Variants in ZNF385D observed in about 807,000 individuals in gnomAD.
ZNF385D encodes the protein zinc finger protein 659.
Under a neutral mutation model 35.8 loss-of-function variants are expected in ZNF385D, and 15 were observed. The ratio of observed to expected loss-of-function variants is 0.42; its 90% CI spans 0.28 to 0.64. ZNF385D has a LOEUF of 0.64. ZNF385D is among the 30% of genes least tolerant of loss of function. The probability of loss-of-function intolerance (pLI) is 0.23; values close to 1 mark genes in which losing one functional copy is unlikely to be tolerated. For missense variants in ZNF385D, 474 were observed against 494.6 expected (o/e 0.96, Z 0.39); for synonymous variants, 212 against 186.8 (o/e 1.13, Z -1.10).
intron 7 of ZNF385D, among the ~76,000 whole-genome samples, chr3:21,422,962 A>G (rs752644467): frequency 6.6e-6 from 1 of 152,268 alleles, no homozygotes; most frequent in East Asian, 1.9e-4. Flanking sequence ...CTCCTATTCA[A>G]CATAGTATTG....
At chr3:21,722,115 A>AAT (rs1412132681) in intron 1 of ZNF385D, among the ~76,000 whole-genome samples, 2 of 148,592 alleles carry the variant, frequency 1.3e-5, no homozygotes, top group African/African-American at 2.6e-5. Context: ...AAAAAAAAAA[A>AAT]AAGAGGTATT....
rs1443829281 is a variant in ZNF385D at position 21,414,110 on chromosome 3, T to A, written c.*7104A>T. On this transcript the variant is annotated 3_prime_UTR_variant, in exon 8 of 8. Coordinates refer to ENST00000281523, the MANE Select transcript of ZNF385D (RefSeq NM_024697.3). ...ATTAAATATTATTAGAAGAAATTAT[T>A]GACTAAGTTTCATGTGCTAGGATAT... 6.6e-6 allele frequency: 1 copy of A among 152,112 alleles called. No homozygotes were observed. Among genetic ancestry groups the A allele is most frequent in the Non-Finnish European group, 1.5e-5 (1 of 67,984 alleles). 9.4% of individuals were successfully genotyped at this position (152,112 alleles called of 1,614,324 possible). A position where few individuals can be genotyped will look rare whatever the true frequency, so the allele number is the denominator to read the frequency against.
At chr3:21,463,768 A>G (rs951431896) in intron 4 of ZNF385D, among the ~76,000 whole-genome samples, 29 of 152,310 alleles carry the variant, frequency 1.9e-4, no homozygotes, top group African/African-American at 7.0e-4. Context: ...GTTTTCAATG[A>G]CAGAGTTTAC....
At chr3:22,313,495 G>A (rs958315928) in intron 2 of ZNF385D, among the ~76,000 whole-genome samples, 4 of 152,096 alleles carry the variant, frequency 2.6e-5, no homozygotes, top group African/African-American at 7.2e-5. Flanking sequence ...CTATTCTGGT[G>A]TGGGAGAAAT....
At chr3:22,022,831 C>T (rs925420155) in intron 3 of ZNF385D, among the ~76,000 whole-genome samples, 1 of 151,984 alleles carries the variant, frequency 6.6e-6, no homozygotes, top group African/African-American at 2.4e-5. Context: ...AAATAGTTAC[C>T]AGGAAGGCAA....
At chr3:22,211,018 G>C (rs1172583201) in intron 2 of ZNF385D, among the ~76,000 whole-genome samples, 2 of 151,880 alleles carry the variant, frequency 1.3e-5, no homozygotes, top group East Asian at 1.9e-4. Flanking sequence ...CCTTTGGTGA[G>C]TTGTTCTCAC....
rs75798953 is a variant in ZNF385D, at chr3:22,271,601, T to C, written c.106+100849A>G. Among the ~76,000 whole-genome samples, 678 of 152,026 alleles carry C rather than the reference T, an allele frequency of 4.5e-3. 7 individuals are homozygous for C. The highest frequency in any genetic ancestry group is 0.016 in the African/African-American group (644 of 41,514). On this transcript the variant is annotated intron_variant, in intron 2 of 5. Coordinates refer to the ZNF385D transcript ENST00000494108. ...TTAAGTTGATCCCAGCCACACTCCATGTTCTTTTGTGTTTCCTGAAACACA... is the reference window on the plus strand; with the variant it reads ...TTAAGTTGATCCCAGCCACACTCCACGTTCTTTTGTGTTTCCTGAAACACA...
chr3:22,031,258 A>T (rs1697982201), intron 3 of ZNF385D, among the ~76,000 whole-genome samples: 1 of 152,110 alleles, frequency 6.6e-6, no homozygotes, highest in African/African-American at 2.4e-5. Flanking sequence ...CCCAGTAGGG[A>T]TTCTGTGGGG....
At chr3:22,363,684 C>T (rs1696521220) in intron 2 of ZNF385D, among the ~76,000 whole-genome samples, 1 of 152,002 alleles carries the variant, frequency 6.6e-6, no homozygotes, top group African/African-American at 2.4e-5. Context: ...AATTGGTGGA[C>T]CAAGTCTGGT....
At chr3:21,681,032 T>C (rs2066883093) in intron 1 of ZNF385D, among the ~76,000 whole-genome samples, 1 of 152,066 alleles carries the variant, frequency 6.6e-6, no homozygotes, top group Non-Finnish European at 1.5e-5. Context: ...TTCCATTGAA[T>C]TGCCCTTAGC....
intron 3 of ZNF385D, among the ~76,000 whole-genome samples, chr3:22,005,715 T>C (rs1018652373): frequency 4.1e-4 from 63 of 152,050 alleles, no homozygotes; most frequent in Non-Finnish European, 6.2e-4. Flanking sequence ...AAGCTTCCCT[T>C]TGAAAATAAA....
intron 3 of ZNF385D, among the ~76,000 whole-genome samples, chr3:21,922,284 A>T (rs372191113): frequency 1.3e-5 from 2 of 151,856 alleles, no homozygotes; most frequent in African/African-American, 4.8e-5. Flanking sequence ...TAGAAAAAAA[A>T]TTTTATAAAA....
chr3:22,015,749 T>G (rs13082428), intron 3 of ZNF385D, among the ~76,000 whole-genome samples: 13,394 of 152,134 alleles, frequency 0.088, 851 homozygotes, highest in South Asian at 0.19. Context: ...CAGCATTACC[T>G]CTTCTAATTG....
At chr3:21,701,221 T>G (rs2125381631) in intron 1 of ZNF385D, among the ~76,000 whole-genome samples, 1 of 152,248 alleles carries the variant, frequency 6.6e-6, no homozygotes. Context: ...TTAACTGGAC[T>G]TACAGTTCCA....
chr3:21,791,446 C>T (rs1398661328), intron 3 of ZNF385D, among the ~76,000 whole-genome samples: 1 of 152,196 alleles, frequency 6.6e-6, no homozygotes, highest in African/African-American at 2.4e-5. Flanking sequence ...GTCTTCACTT[C>T]AGATAATTTG....
chr3:22,173,281 G>T (rs6550669), intron 2 of ZNF385D, among the ~76,000 whole-genome samples: 40,432 of 151,770 alleles, frequency 0.27, 5,716 homozygotes, highest in Middle Eastern at 0.36. Flanking sequence ...GGACATCGGA[G>T]GAAAAATTAA....
rs146911424 is a variant in ZNF385D, at chr3:22,312,047, G to A, written c.106+60403C>T. Among the ~76,000 whole-genome samples, 286 of 152,194 alleles carry A rather than the reference G, an allele frequency of 1.9e-3. 4 individuals are homozygous for A. The highest frequency in any genetic ancestry group is 5.6e-3 in the African/African-American group (231 of 41,554). ...GAATCGACCACCACTTTGGACTGCT[G>A]TGCTGGAAGTCTTCACACTACCTAC... On this transcript the variant is annotated intron_variant, in intron 2 of 5. Transcript: ENST00000494108.
intron 1 of ZNF385D, among the ~76,000 whole-genome samples, chr3:21,725,652 T>A (rs1280478681): frequency 1.3e-5 from 2 of 152,204 alleles, no homozygotes; most frequent in Non-Finnish European, 2.9e-5. Flanking sequence ...AATCTCTGCA[T>A]AGAACAATAA....
chr3:21,458,002 C>T (rs538952091), intron 4 of ZNF385D, among the ~76,000 whole-genome samples: 1 of 151,946 alleles, frequency 6.6e-6, no homozygotes, highest in African/African-American at 2.4e-5. Flanking sequence ...TGATACAGTC[C>T]TCAAAAAAAG....
Sources: gnomAD v4.1 joint callset for allele counts (sites outside exome capture counted in the v4.1 genomes callset) on GRCh38, gnomAD v4.1.1 for gene constraint, MANE v1.5 for transcripts, NCBI Gene and HGNC (gene_info 2026-07-23, HGNC 2026-07-21) for gene names.